EIF4E: variants seen among roughly 807,000 people sequenced by gnomAD.
The protein encoded by EIF4E is eIF-4F 25 kDa subunit.
For missense variants in EIF4E, 113 were observed against 265.6 expected (o/e 0.43, Z 3.99); for synonymous variants, 71 against 88.5 (o/e 0.80, Z 1.11).
intron 2 of EIF4E, among the ~76,000 whole-genome samples, chr4:98,894,606 G>A (rs945707121): frequency 6.6e-6 from 1 of 152,152 alleles, no homozygotes; most frequent in Non-Finnish European, 1.5e-5. Context: ...ACAGAGTTAG[G>A]GCCTTGCTAT....
intron 1 of EIF4E, among the ~76,000 whole-genome samples, chr4:98,915,654 C>T (rs953866349): frequency 1.3e-5 from 2 of 151,658 alleles, no homozygotes; most frequent in Non-Finnish European, 2.9e-5. Context: ...AATTCTCCTG[C>T]CTCAACCTCC....
chr4:98,896,512 A>C (rs28824553), intron 2 of EIF4E, among the ~76,000 whole-genome samples: 2 of 137,170 alleles, frequency 1.5e-5, no homozygotes, highest in Admixed American at 7.3e-5. Context: ...AAAAAAAAAC[A>C]CCTTAGCTAG....
chr4:98,895,746 T>C (rs1724352635), intron 2 of EIF4E, among the ~76,000 whole-genome samples: 1 of 152,188 alleles, frequency 6.6e-6, no homozygotes, highest in Non-Finnish European at 1.5e-5. Flanking sequence ...CACCCAGCCA[T>C]TTAAACACAT....
chr4:98,903,718 A>C (rs1288944214), intron 1 of EIF4E, among the ~76,000 whole-genome samples: 1 of 152,204 alleles, frequency 6.6e-6, no homozygotes, highest in Non-Finnish European at 1.5e-5. Context: ...ACAGTACTTA[A>C]CCCAACAGGA....
chr4:98,898,847 AG>A (rs1724528115), intron 2 of EIF4E, among the ~76,000 whole-genome samples: 1 of 152,136 alleles, frequency 6.6e-6, no homozygotes, highest in Admixed American at 6.5e-5. Context: ...ATAATTTTTA[AG>A]AGTGTAAAGG....
chr4:98,882,234 T>C (rs537493858), intron 6 of EIF4E, among the ~76,000 whole-genome samples: 71 of 151,572 alleles, frequency 4.7e-4, no homozygotes, highest in Non-Finnish European at 9.0e-4. Flanking sequence ...CTACTAAAAA[T>C]ACAAAAAATT....
At chr4:98,904,670 C>T (rs1346925000) in intron 1 of EIF4E, among the ~76,000 whole-genome samples, 1 of 152,120 alleles carries the variant, frequency 6.6e-6, no homozygotes, top group Non-Finnish European at 1.5e-5. Context: ...ACTGGGGAGG[C>T]TAAGGCAAGA....
chr4:98,887,845 G>T lies in EIF4E; in HGVS notation c.285+44C>A, dbSNP rs1458158627. On this transcript the variant is annotated intron_variant, in intron 4 of 6. Coordinates refer to ENST00000450253, the MANE Select transcript of EIF4E (RefSeq NM_001968.5). The surrounding 1 kb of genome is among the most constrained non-coding windows in gnomAD (Gnocchi z 4.0). ...AAGATTTCTTAATGAATACCAAATG[G>T]CCCAGTCCTATAATAAATATATAAA... The T allele has an allele frequency of 6.5e-7, 1 of 1,538,730 alleles. No homozygotes were observed. Among genetic ancestry groups the T allele is most frequent in the Non-Finnish European group, 9.0e-7 (1 of 1,115,882 alleles).
chr4:98,908,455 T>C (rs567214375), intron 1 of EIF4E, among the ~76,000 whole-genome samples: 40 of 152,332 alleles, frequency 2.6e-4, no homozygotes, highest in Non-Finnish European at 4.0e-4. Context: ...GAAAACCAGC[T>C]GTGTCCATAT....
chr4:98,928,873 C>A, intron 1 of EIF4E: 2 of 1,545,930 alleles, frequency 1.3e-6, no homozygotes, highest in South Asian at 1.2e-5. Context: ...CCACACCGCT[C>A]CCCCAGTTCT....
chr4:98,881,330 T>C (rs572665562), intron 6 of EIF4E, among the ~76,000 whole-genome samples, 188 bp from the exon 7 acceptor site: 2 of 152,272 alleles, frequency 1.3e-5, no homozygotes, highest in Admixed American at 1.3e-4. Context: ...ATATTCTTGG[T>C]TAATTACTTT....
At position 98,885,020 on chromosome 4, in the gene EIF4E, A is replaced by T. The variant is rs774451037; in HGVS notation, c.441T>A (p.Asp147Glu). 2 of 1,613,640 alleles carry T rather than the reference A, an allele frequency of 1.2e-6. No individual in the cohort carries two copies. The highest frequency in any genetic ancestry group is 1.7e-5 in the Admixed American group (1 of 60,004). ...LIGESFDDYS[D>E]DVCGAVVNVR... ...CATTAACAACAGCGCCACATACATC[A>T]TCACTGTAGTCATCAAAAGATTCTC... The change falls in exon 6 of 7, where the codon GAT becomes GAA. Residue 147 changes from aspartate to glutamate, a missense_variant. Transcript: ENST00000450253.
chr4:98,885,209 T>TG, intron 5 of EIF4E, 148 bp from the exon 6 acceptor site: 2 of 989,090 alleles, frequency 2.0e-6, no homozygotes, highest in Non-Finnish European at 3.0e-6. Context: ...TTGCATATAT[T>TG]GATCTGTCCT....
rs374891583 is a variant in EIF4E, at chr4:98,881,149, GA to G, written c.540-8del. On this transcript the variant is annotated splice_region_variant and splice_polypyrimidine_tract_variant and intron_variant, in intron 6 of 6. Coordinates refer to ENST00000450253, the MANE Select transcript of EIF4E (RefSeq NM_001968.5). ...CCTTTCCTTGTATACCCTCCTAGAA[GA>G]AAAAAAAAAAGAAGAAGAAAAAAGT... 0.014 allele frequency: 15,642 copies of G among 1,125,276 alleles called. 1 individual carries two copies. Among genetic ancestry groups the G allele is most frequent in the Admixed American group, 0.033 (1,283 of 38,712 alleles). 69.7% of individuals were successfully genotyped at this position (1,125,276 alleles called of 1,614,324 possible).
chr4:98,898,123 G>GA (rs200100105), intron 2 of EIF4E, among the ~76,000 whole-genome samples: 1 of 151,858 alleles, frequency 6.6e-6, no homozygotes, highest in East Asian at 1.9e-4. Context: ...AAAGGGGGGG[G>GA]AAAAAAGAAA....
At chr4:98,905,877 A>C (rs1724850869) in intron 1 of EIF4E, among the ~76,000 whole-genome samples, 1 of 152,204 alleles carries the variant, frequency 6.6e-6, no homozygotes, top group South Asian at 2.1e-4. Flanking sequence ...ATTCTGCAAA[A>C]ATTAGCACAG....
intron 1 of EIF4E, among the ~76,000 whole-genome samples, chr4:98,904,643 C>CAT (rs1724791071): frequency 6.6e-6 from 1 of 151,894 alleles, no homozygotes; most frequent in Non-Finnish European, 1.5e-5. Context: ...TGGTAGCACG[C>CAT]GCCTGTAATC....
chr4:98,905,940 C>A (rs1724852766), intron 1 of EIF4E, among the ~76,000 whole-genome samples: 1 of 152,076 alleles, frequency 6.6e-6, no homozygotes, highest in East Asian at 1.9e-4. Flanking sequence ...TAAATATTTC[C>A]CAGATCTAGC....
intron 1 of EIF4E, among the ~76,000 whole-genome samples, chr4:98,907,808 T>C (rs1040345222): frequency 6.6e-6 from 1 of 152,160 alleles, no homozygotes; most frequent in Non-Finnish European, 1.5e-5. Context: ...TTTCTTCCCT[T>C]GTAAAAAGTG....
Sources: gnomAD v4.1 joint callset for allele counts (sites outside exome capture counted in the v4.1 genomes callset) on GRCh38, gnomAD v4.1.1 for gene constraint, Gnocchi (gnomAD v3.1) non-coding constraint, MANE v1.5 for transcripts, NCBI Gene and HGNC (gene_info 2026-07-23, HGNC 2026-07-21) for gene names.